FRS2: variants seen among roughly 807,000 people sequenced by gnomAD.
FRS2 encodes FGFR signalling adaptor.
FRS2 carries 8 observed loss-of-function variants against 43.9 expected under a neutral mutation model. The observed-to-expected ratio is 0.18, with a 90% confidence interval of 0.11 to 0.33. The LOEUF (loss-of-function observed/expected upper bound fraction) is 0.33. Ranked by LOEUF, FRS2 falls within the 10% of genes least tolerant of loss-of-function variation. The probability of loss-of-function intolerance (pLI) is 1.00; values close to 1 mark genes in which losing one functional copy is unlikely to be tolerated. For synonymous variants in FRS2, 219 were observed against 220.3 expected, an observed-to-expected ratio of 0.99 and a Z score of 0.05; for missense variants, 534 against 627.6, an observed-to-expected ratio of 0.85 and a Z score of 1.59.
intron 3 of FRS2, among the ~76,000 whole-genome samples, chr12:69,545,854 A>G (rs1878357435): frequency 1.3e-5 from 2 of 152,160 alleles, no homozygotes; most frequent in African/African-American, 2.4e-5. Context: ...AGACTATTCA[A>G]TGGGAAAGGA....
At chr12:69,515,088 A>C (rs1266436401) in intron 1 of FRS2, among the ~76,000 whole-genome samples, 1 of 152,242 alleles carries the variant, frequency 6.6e-6, no homozygotes, top group African/African-American at 2.4e-5. Flanking sequence ...GACCAAGAGC[A>C]GGTAACCTGC....
chr12:69,498,664 C>G (rs910376611), intron 1 of FRS2, among the ~76,000 whole-genome samples: 1 of 151,908 alleles, frequency 6.6e-6, no homozygotes, highest in Non-Finnish European at 1.5e-5. Flanking sequence ...AAAGATTGGA[C>G]ACCCCTGGAA....
At chr12:69,570,196 C>T (rs781498771) in intron 5 of FRS2, 135 bp from the exon 6 acceptor site, 28 of 662,286 alleles carry the variant, frequency 4.2e-5, no homozygotes, top group African/African-American at 7.2e-5. Context: ...GGGTGTTACA[C>T]GGCTACGTAG....
At position 69,578,628 on chromosome 12, in the gene FRS2, A is replaced by G. The variant is rs552085601; in HGVS notation, c.*3673A>G. On this transcript the variant is annotated 3_prime_UTR_variant, in exon 9 of 9. Transcript: ENST00000549921. Reference sequence around the variant, plus strand: ...AGTACAGTAGTCACCAGTGTGCCACATTTGCATTAGTAATGCAAAATATAC... The same window carrying G: ...AGTACAGTAGTCACCAGTGTGCCACGTTTGCATTAGTAATGCAAAATATAC... 6.5e-6 allele frequency: 1 copy of G among 152,726 alleles called. No homozygotes were observed. The highest frequency in any genetic ancestry group is 1.9e-4 in the East Asian group (1 of 5,190). 9.5% of individuals were successfully genotyped at this position (152,726 alleles called of 1,614,324 possible). A position where few individuals can be genotyped will look rare whatever the true frequency, so the allele number is the denominator to read the frequency against.
At chr12:69,489,591 AC>A (rs1872271059) in intron 1 of FRS2, among the ~76,000 whole-genome samples, 2 of 150,128 alleles carry the variant, frequency 1.3e-5, no homozygotes, top group South Asian at 4.2e-4. Flanking sequence ...AATCGCTTGA[AC>A]CCAGGAGGCG....
chr12:69,520,937 T>A lies in FRS2; in HGVS notation c.-260-9928T>A, dbSNP rs111976028. On this transcript the variant is annotated intron_variant, in intron 1 of 8. Transcript: ENST00000549921. ...TGGTTGTTCCGTATAAATTAAAAAA[T>A]TTTTTTTTCTAGTTCTGTAAAGAAT... 8.3e-3 allele frequency among the ~76,000 whole-genome samples: 1,266 copies of A among 152,000 alleles called. 11 individuals are homozygous for A. Among genetic ancestry groups the A allele is most frequent in the African/African-American group, 0.026 (1,089 of 41,440 alleles).
intron 1 of FRS2, among the ~76,000 whole-genome samples, chr12:69,514,388 A>G (rs887554714): frequency 2.0e-5 from 3 of 152,084 alleles, no homozygotes; most frequent in African/African-American, 7.2e-5. Context: ...CCTTGCTGAA[A>G]CTGCTCCACC....
chr12:69,572,700 G>A (rs1389437162), intron 8 of FRS2, among the ~76,000 whole-genome samples: 1 of 152,218 alleles, frequency 6.6e-6, no homozygotes, highest in Admixed American at 6.5e-5. Flanking sequence ...GTTTTCATGT[G>A]TGGAATGAAG....
chr12:69,574,109 A>G lies in FRS2; in HGVS notation c.681A>G (p.Thr227=), dbSNP rs1880996883. 1.2e-6 allele frequency: 2 copies of G among 1,614,090 alleles called. No homozygotes were observed. The highest frequency in any genetic ancestry group is 1.3e-5 in the African/African-American group (1 of 74,958). ...GGGTTTCTAACGCTGAAAGCAGCAC[A>G]CCAAAAGAAGAACCAAGTAGTATTG... ...EARVSNAESS[T]PKEEPSSIED... The change falls in exon 9 of 9, where the codon ACA becomes ACG. Residue 227 remains threonine (T), a synonymous_variant. Transcript: ENST00000549921.
chr12:69,570,310 A>T, intron 5 of FRS2, 21 bp from the exon 6 acceptor site: 1 of 1,573,868 alleles, frequency 6.4e-7, no homozygotes, highest in Non-Finnish European at 8.7e-7. Context: ...TATTTGCATG[A>T]CTGTCACCTT....
At chr12:69,482,243 A>T (rs900970045) in intron 1 of FRS2, among the ~76,000 whole-genome samples, 2 of 152,240 alleles carry the variant, frequency 1.3e-5, no homozygotes, top group Non-Finnish European at 2.9e-5. Flanking sequence ...GGTGACAAAG[A>T]TTAGTGAGGC....
intron 1 of FRS2, among the ~76,000 whole-genome samples, chr12:69,499,397 C>T (rs1592942879): frequency 6.6e-6 from 1 of 152,000 alleles, no homozygotes; most frequent in East Asian, 1.9e-4. Context: ...ATATAGAAAA[C>T]ATACAAAGTT....
intron 1 of FRS2, among the ~76,000 whole-genome samples, chr12:69,512,280 A>G (rs1256812058): frequency 1.3e-5 from 2 of 152,170 alleles, no homozygotes; most frequent in Admixed American, 1.3e-4. Context: ...ATTTCATAGC[A>G]TAAATTACTC....
intron 1 of FRS2, among the ~76,000 whole-genome samples, chr12:69,519,228 T>G (rs1875378563): frequency 6.6e-6 from 1 of 152,170 alleles, no homozygotes; most frequent in Non-Finnish European, 1.5e-5. Context: ...GTAAGTCAGT[T>G]CCCTGGGATT....
intron 3 of FRS2, among the ~76,000 whole-genome samples, chr12:69,536,394 AT>A (rs1489215354): frequency 6.6e-6 from 1 of 151,756 alleles, no homozygotes; most frequent in Non-Finnish European, 1.5e-5. Context: ...AAGTGCTGGG[AT>A]TACAGGCGTG....
At chr12:69,541,524 C>G (rs1045206305) in intron 3 of FRS2, among the ~76,000 whole-genome samples, 5 of 152,030 alleles carry the variant, frequency 3.3e-5, no homozygotes, top group Admixed American at 6.6e-5. Context: ...AGTATAGTTA[C>G]TGGTACAAAA....
intron 1 of FRS2, among the ~76,000 whole-genome samples, chr12:69,508,367 C>T (rs1874151118): frequency 6.6e-6 from 1 of 152,130 alleles, no homozygotes; most frequent in Non-Finnish European, 1.5e-5. Flanking sequence ...AACAGTTAGG[C>T]TTTAGAATTG....
At chr12:69,514,712 A>T (rs1874812538) in intron 1 of FRS2, among the ~76,000 whole-genome samples, 1 of 152,122 alleles carries the variant, frequency 6.6e-6, no homozygotes, top group African/African-American at 2.4e-5. Flanking sequence ...GTGTGCCTGT[A>T]ATCCCAGCTA....
chr12:69,501,998 C>G (rs1251192105), intron 1 of FRS2, among the ~76,000 whole-genome samples: 3 of 152,056 alleles, frequency 2.0e-5, no homozygotes, highest in South Asian at 4.2e-4. Flanking sequence ...TGGAGCCTCC[C>G]TCTGTCACCC....
Sources: gnomAD v4.1 joint callset for allele counts (sites outside exome capture counted in the v4.1 genomes callset) on GRCh38, gnomAD v4.1.1 for gene constraint, MANE v1.5 for transcripts, NCBI Gene and HGNC (gene_info 2026-07-23, HGNC 2026-07-21) for gene names.